The following SKAP2 variants were observed in gnomAD, a reference collection of about 807,000 sequenced individuals.
The protein encoded by SKAP2 is src kinase-associated phosphoprotein 2.
In SKAP2, 28 loss-of-function variants were observed where a neutral mutation model predicts 54.9. The ratio of observed to expected loss-of-function variants is 0.51; its 90% CI spans 0.38 to 0.70. The LOEUF (loss-of-function observed/expected upper bound fraction) is 0.70. SKAP2 is among the 30% of genes least tolerant of loss of function. SKAP2 has a pLI of 0.00. For synonymous variants in SKAP2, 137 were observed against 134.3 expected, an observed-to-expected ratio of 1.02 and a Z score of -0.14; for missense variants, 356 against 424.1, an observed-to-expected ratio of 0.84 and a Z score of 1.41.
intron 9 of SKAP2, among the ~76,000 whole-genome samples, chr7:26,694,604 A>G (rs1786857034): frequency 6.6e-6 from 1 of 151,946 alleles, no homozygotes; most frequent in African/African-American, 2.4e-5. Context: ...AAAAGGTTTT[A>G]ACAATAAACT....
At chr7:26,816,796 G>A (rs1207362604) in intron 4 of SKAP2, among the ~76,000 whole-genome samples, 2 of 152,046 alleles carry the variant, frequency 1.3e-5, no homozygotes, top group Non-Finnish European at 2.9e-5. Flanking sequence ...AAATTCACAA[G>A]GATTCTAGAA....
chr7:26,695,955 A>C (rs1786886600), intron 9 of SKAP2, among the ~76,000 whole-genome samples: 1 of 152,152 alleles, frequency 6.6e-6, no homozygotes, highest in South Asian at 2.1e-4. Flanking sequence ...AAGTACTGGG[A>C]GGATACATAC....
intron 4 of SKAP2, among the ~76,000 whole-genome samples, chr7:26,774,530 T>A (rs957281660): frequency 6.6e-6 from 1 of 151,628 alleles, no homozygotes; most frequent in Non-Finnish European, 1.5e-5. Flanking sequence ...TGTATATATA[T>A]ATATACATAC....
intron 4 of SKAP2, among the ~76,000 whole-genome samples, chr7:26,826,466 C>A (rs926536405): frequency 6.6e-5 from 10 of 152,118 alleles, no homozygotes; most frequent in African/African-American, 2.2e-4. Flanking sequence ...TGTGCTTAAG[C>A]CAGTTTGAGT....
intron 9 of SKAP2, among the ~76,000 whole-genome samples, chr7:26,696,295 G>T (rs1312340170): frequency 1.3e-5 from 2 of 152,114 alleles, no homozygotes; most frequent in Non-Finnish European, 2.9e-5. Flanking sequence ...TGAATGGAAG[G>T]ATAAAGATGA....
chr7:26,783,974 A>G (rs935604251), intron 4 of SKAP2, among the ~76,000 whole-genome samples: 18 of 145,950 alleles, frequency 1.2e-4, no homozygotes, highest in African/African-American at 4.3e-4. Flanking sequence ...TAAGTCTTAG[A>G]AAAAAAAAAA....
At chr7:26,676,713 A>T (rs749852078) in intron 11 of SKAP2, among the ~76,000 whole-genome samples, 1 of 152,204 alleles carries the variant, frequency 6.6e-6, no homozygotes, top group Non-Finnish European at 1.5e-5. Flanking sequence ...CACAGTGTCT[A>T]CCTCAAGAAG....
chr7:26,826,141 A>ACACACACG (rs1491302189), intron 4 of SKAP2, among the ~76,000 whole-genome samples: 11 of 147,250 alleles, frequency 7.5e-5, no homozygotes, highest in Non-Finnish European at 1.7e-4. Flanking sequence ...ACACACACAC[A>ACACACACG]CGCCACAGTG....
At chr7:26,675,375 C>T (rs1287608352) in intron 11 of SKAP2, among the ~76,000 whole-genome samples, 2 of 152,174 alleles carry the variant, frequency 1.3e-5, no homozygotes, top group Non-Finnish European at 2.9e-5. Context: ...AGACCTGACT[C>T]AGCTGTCATG....
intron 4 of SKAP2, among the ~76,000 whole-genome samples, chr7:26,789,334 T>G (rs531505339): frequency 6.6e-6 from 1 of 152,192 alleles, no homozygotes; most frequent in Non-Finnish European, 1.5e-5. Context: ...GATTTATAAG[T>G]GCCACTTAAA....
chr7:26,763,650 G>A (rs746186113), intron 4 of SKAP2, among the ~76,000 whole-genome samples: 11 of 152,000 alleles, frequency 7.2e-5, no homozygotes, highest in Non-Finnish European at 1.5e-4. Flanking sequence ...GATTCTTGCT[G>A]GAGTTAATTA....
At chr7:26,843,998 G>C in intron 4 of SKAP2, 32 bp downstream of exon 4, 7 of 1,285,002 alleles carry the variant, frequency 5.4e-6, no homozygotes, top group Non-Finnish European at 7.9e-6. Flanking sequence ...TTTTGTGTGA[G>C]TGTCAGAGTT....
chr7:26,824,188 C>T (rs557330627), intron 4 of SKAP2, among the ~76,000 whole-genome samples: 5 of 152,228 alleles, frequency 3.3e-5, no homozygotes, highest in South Asian at 2.1e-4. Context: ...CACATTGAGA[C>T]GAGACCCTCG....
chr7:26,737,551 TA>T (rs549641473), intron 6 of SKAP2, among the ~76,000 whole-genome samples: 1 of 152,210 alleles, frequency 6.6e-6, no homozygotes, highest in Non-Finnish European at 1.5e-5. Flanking sequence ...GAAAAAACTC[TA>T]AAAACTATAA....
chr7:26,780,237 A>C (rs1346604687), intron 4 of SKAP2, among the ~76,000 whole-genome samples: 1 of 152,134 alleles, frequency 6.6e-6, no homozygotes, highest in Non-Finnish European at 1.5e-5. Context: ...CCTGAAGAGT[A>C]TCTGGCACAT....
chr7:26,696,824 G>A (rs1323047788), intron 9 of SKAP2, among the ~76,000 whole-genome samples: 1 of 152,066 alleles, frequency 6.6e-6, no homozygotes, highest in East Asian at 1.9e-4. Flanking sequence ...CAAGGCAGGA[G>A]GATCGCTTAA....
At chr7:26,754,668 G>A (rs1225486786) in intron 4 of SKAP2, among the ~76,000 whole-genome samples, 1 of 152,124 alleles carries the variant, frequency 6.6e-6, no homozygotes, top group Non-Finnish European at 1.5e-5. Flanking sequence ...ATGGAATATT[G>A]AGCAGAACAA....
At chr7:26,742,752 A>T (rs79559460) in intron 4 of SKAP2, among the ~76,000 whole-genome samples, 2,046 of 152,250 alleles carry the variant, frequency 0.013, 45 homozygotes, top group African/African-American at 0.046. Context: ...CACTAATAGC[A>T]ATCCCTGTAA....
the SKAP2 span, among the ~76,000 whole-genome samples, chr7:26,661,930 A>G: frequency 6.6e-6 from 1 of 152,132 alleles, no homozygotes; most frequent in Non-Finnish European, 1.5e-5. Context: ...CCTAACCACA[A>G]TCCTGACAGG....
Sources: allele counts gnomAD v4.1 joint callset (sites outside exome capture counted in the v4.1 genomes callset), GRCh38; gene constraint gnomAD v4.1.1; transcripts MANE v1.5; gene names NCBI Gene and HGNC (gene_info 2026-07-23, HGNC 2026-07-21).